Variants in NIT1 observed in about 807,000 individuals in gnomAD.
NIT1 encodes the protein deaminated glutathione amidase.
NIT1 carries 30 observed loss-of-function variants against 36.8 expected under a neutral mutation model. The ratio of observed to expected loss-of-function variants is 0.82; its 90% CI spans 0.61 to 1.11. NIT1 has a LOEUF of 1.11. Among genes scored for constraint, NIT1 ranks in the 50% least tolerant of loss-of-function variants. The probability of loss-of-function intolerance (pLI) is 0.00; values close to 1 mark genes in which losing one functional copy is unlikely to be tolerated. For synonymous variants in NIT1, 151 were observed against 155.6 expected (o/e 0.97, Z 0.22); for missense variants, 438 against 410.6 (o/e 1.07, Z -0.58).
At chr1:161,121,352 T>C (rs1470938781), downstream of NIT1, 2 of 188,596 alleles carry the variant, frequency 1.1e-5, no homozygotes, top group Non-Finnish European at 2.0e-5. Context: ...TTATTTATTT[T>C]CACTTGAACA....
In NIT1 at chr1:161,119,498, C is replaced by CT. The variant is rs1557970753; in HGVS notation, c.354-9dup. 3 of 1,613,518 alleles carry CT rather than the reference C, an allele frequency of 1.9e-6. No homozygotes were observed. The Admixed American group carries it at 5.0e-5, about 27-fold the overall frequency. Reference sequence around the variant, plus strand: ...AGTCAGTGAAGAGTTGTCAGTGTCCCTTCCCCCCAGGGAATGTGGACTCTG... The same window carrying CT: ...AGTCAGTGAAGAGTTGTCAGTGTCCCTTTCCCCCCAGGGAATGTGGACTCTG... On this transcript the variant is annotated splice_polypyrimidine_tract_variant and intron_variant, in intron 3 of 6. Transcript: ENST00000368009.
chr1:161,121,852 A>ATGTGCTGTAGACTTTGCT (rs1655528909), downstream of NIT1: 2 of 330,116 alleles, frequency 6.1e-6, no homozygotes, highest in African/African-American at 4.1e-5. Context: ...TACAAAGACT[A>ATGTGCTGTAGACTTTGCT]TGTGCTGTAG....
At chr1:161,123,892 G>A (rs374736648), downstream of NIT1, 49 of 1,613,990 alleles carry the variant, frequency 3.0e-5, no homozygotes, top group Non-Finnish European at 3.9e-5. Flanking sequence ...GGCTCTGGGG[G>A]TCACATAGCG....
At chr1:161,122,533 A>G (rs1326159850), downstream of NIT1, 1 of 1,611,320 alleles carries the variant, frequency 6.2e-7, no homozygotes, top group Non-Finnish European at 8.5e-7. The surrounding 1 kb of genome is among the most constrained non-coding windows in gnomAD (Gnocchi z 4.2). Context: ...TCTGTTGGAA[A>G]CAGAAGATAC....
downstream of NIT1, chr1:161,123,737 C>T (rs960542479): frequency 1.4e-5 from 14 of 1,029,786 alleles, no homozygotes; most frequent in Admixed American, 1.2e-4. Context: ...AAGATGTGGG[C>T]GCACAGCATC....
chr1:161,118,997 A>G, intron 2 of NIT1, 116 bp downstream of exon 2: 1 of 1,347,002 alleles, frequency 7.4e-7, no homozygotes, highest in Non-Finnish European at 1.1e-6. Context: ...GAGCCCTACT[A>G]GCCCTGGGTC....
chr1:161,123,496 C>T (rs1247820887), downstream of NIT1, among the ~76,000 whole-genome samples: 12 of 151,930 alleles, frequency 7.9e-5, no homozygotes, highest in Non-Finnish European at 1.6e-4. Flanking sequence ...ATTAGCTGGG[C>T]GTGCTGGCGG....
intron 6 of NIT1, 81 bp downstream of exon 6, chr1:161,120,313 C>T: frequency 6.5e-7 from 1 of 1,536,602 alleles, no homozygotes. Flanking sequence ...TAAATTCCTT[C>T]CCCTTTCCAC....
At position 161,121,112 on chromosome 1, in the gene NIT1, T is replaced by C; in HGVS notation, c.*347T>C. Reference sequence around the variant, plus strand: ...TGGGAACTAGAAGGGGAGTTGGTATTGTACCAGCTGGACTAAGCTCCAGTT... The same window carrying C: ...TGGGAACTAGAAGGGGAGTTGGTATCGTACCAGCTGGACTAAGCTCCAGTT... On this transcript the variant is annotated 3_prime_UTR_variant, in exon 7 of 7. Transcript: ENST00000368009. 4 of 1,131,322 alleles carry C rather than the reference T, an allele frequency of 3.5e-6. No homozygotes were observed. Among genetic ancestry groups the C allele is most frequent in the Non-Finnish European group, 4.4e-6 (4 of 915,924 alleles). The allele number at this position is 1,131,322 out of a possible 1,614,324, so 70.1% of individuals were successfully genotyped here.
chr1:161,123,349 G>A (rs1655744771), downstream of NIT1: 4 of 924,670 alleles, frequency 4.3e-6, no homozygotes, highest in Non-Finnish European at 6.5e-6. Context: ...GACTTGAAAA[G>A]ACATGTGAGA....
downstream of NIT1, among the ~76,000 whole-genome samples, chr1:161,122,791 A>C (rs1353579783): frequency 6.6e-6 from 1 of 152,214 alleles, no homozygotes; most frequent in Non-Finnish European, 1.5e-5. The surrounding 1 kb of genome is among the most constrained non-coding windows in gnomAD (Gnocchi z 4.2). Flanking sequence ...TTTCCTAATT[A>C]CCAGGCATAG....
intron 6 of NIT1, 104 bp downstream of exon 6, chr1:161,120,336 C>T: frequency 1.3e-5 from 19 of 1,484,978 alleles, no homozygotes; most frequent in Non-Finnish European, 1.8e-5. Context: ...AATGGGAAAA[C>T]TCATTCCCCA....
chr1:161,119,558 G>A lies in NIT1; in HGVS notation c.403G>A (p.Asp135Asn), dbSNP rs763439537. The stretch of plus-strand genomic sequence containing the variant: ...GGGTGGTTTCCATGAGCGTGGCCAA[G>A]ACTGGGAGCAGACTCAGAAAATCTA... ...SLGGFHERGQ[D>N]WEQTQKIYNC... is the part of the protein sequence containing the mutation. Residue 135 changes from aspartate to asparagine, a missense_variant, in exon 4 of 7, where the codon GAC becomes AAC. Physicochemically the swap from Asp to Asn is conservative, Grantham distance 23. Transcript: ENST00000368009. 3 of 1,614,204 alleles carry A rather than the reference G, an allele frequency of 1.9e-6. No homozygotes were observed. The East Asian group carries it at 6.7e-5, about 36-fold the overall frequency.
At chr1:161,124,692 G>GT, downstream of NIT1, 3 of 914,828 alleles carry the variant, frequency 3.3e-6, no homozygotes, top group Non-Finnish European at 4.5e-6. Flanking sequence ...CCAGGCACAG[G>GT]GGCTCACACC....
rs772765955 is a variant in NIT1, at chr1:161,120,652, C to A, written c.871C>A (p.Leu291Ile). 3.1e-6 allele frequency: 5 copies of A among 1,614,224 alleles called. No individual in the cohort carries two copies. The highest frequency in any genetic ancestry group is 4.2e-6 in the Non-Finnish European group (5 of 1,180,042). Reference protein sequence around the residue: ...VVARCSEGPGLCLARIDLNYL... With the variant: ...VVARCSEGPGICLARIDLNYL... ...GGCCCGCTGCTCTGAGGGGCCAGGC[C>A]TCTGCCTTGCCCGAATAGACCTCAA... Residue 291 changes from leucine (L) to isoleucine (I), a missense_variant, in exon 7 of 7, where the codon CTC becomes ATC. Coordinates refer to ENST00000368009, the MANE Select transcript of NIT1 (RefSeq NM_005600.3).
intron 1 of NIT1, 60 bp from the exon 2 acceptor site, chr1:161,118,726 A>C: frequency 6.7e-7 from 1 of 1,500,186 alleles, no homozygotes; most frequent in Non-Finnish European, 9.3e-7. Context: ...GAAGTCAGAG[A>C]ATCCTAGAAA....
downstream of NIT1, chr1:161,123,701 C>T (rs149839785): frequency 3.9e-3 from 2,849 of 721,978 alleles, 41 homozygotes; most frequent in Middle Eastern, 0.019. Flanking sequence ...AATGTCACCT[C>T]GCCTGATTTT....
Position 161,121,005 on chromosome 1 carries a change from A to C in NIT1, c.*240A>C. 16 of 1,386,794 alleles carry C rather than the reference A, an allele frequency of 1.2e-5. No homozygotes were observed. Among genetic ancestry groups the C allele is most frequent in the Non-Finnish European group, 1.5e-5 (16 of 1,071,180 alleles). The allele number at this position is 1,386,794 out of a possible 1,614,324, so 85.9% of individuals were successfully genotyped here. On this transcript the variant is annotated 3_prime_UTR_variant, in exon 7 of 7. Transcript: ENST00000368009. ...TATATAGTCATTGTTTATTTCATGG[A>C]AACTGAAGTTCTGCTGAGGGCTGAG... is the stretch of plus-strand genomic sequence containing the variant.
Position 161,120,105 on chromosome 1 carries a change from A to G in NIT1, c.592-2A>G. The stretch of plus-strand genomic sequence containing the variant: ...TACTAAGTAGGCTGTTTTTCATTCC[A>G]GATTGGTCTAGCTGTCTGCTATGAC... On this transcript the variant is annotated splice_acceptor_variant, in intron 5 of 6. Coordinates refer to ENST00000368009, the MANE Select transcript of NIT1 (RefSeq NM_005600.3). LOFTEE classifies it high-confidence loss of function. 6.2e-7 allele frequency: 1 copy of G among 1,614,160 alleles called. No individual in the cohort carries two copies. The highest frequency in any genetic ancestry group is 2.2e-5 in the East Asian group (1 of 44,888).
Sources: gnomAD v4.1 joint callset for allele counts (sites outside exome capture counted in the v4.1 genomes callset) on GRCh38, gnomAD v4.1.1 for gene constraint, Gnocchi (gnomAD v3.1) non-coding constraint, MANE v1.5 for transcripts, NCBI Gene and HGNC (gene_info 2026-07-23, HGNC 2026-07-21) for gene names.